Variants in BAZ2B observed in about 807,000 individuals in gnomAD.
The protein encoded by BAZ2B is bromodomain adjacent to zinc finger domain protein 2B.
BAZ2B carries 91 observed loss-of-function variants against 246.0 expected under a neutral mutation model. The ratio of observed to expected loss-of-function variants is 0.37; its 90% CI spans 0.31 to 0.44. The LOEUF is 0.44. BAZ2B is among the 20% of genes least tolerant of loss of function. The pLI, the probability that BAZ2B is intolerant of heterozygous loss-of-function variation, is 1.00. For missense variants in BAZ2B, 2,332 were observed against 2,533.7 expected (o/e 0.92, Z 1.71); for synonymous variants, 855 against 860.0 (o/e 0.99, Z 0.10).
At chr2:159,619,233 T>TA (rs1180822046), upstream of BAZ2B, among the ~76,000 whole-genome samples, 1 of 151,946 alleles carries the variant, frequency 6.6e-6, no homozygotes, top group Non-Finnish European at 1.5e-5. Flanking sequence ...GCTGGAGCCA[T>TA]ATACAACCCA....
chr2:159,334,736 T>C (rs1196369025), intron 33 of BAZ2B, among the ~76,000 whole-genome samples: 1 of 152,164 alleles, frequency 6.6e-6, no homozygotes. Context: ...GAAATAAAGC[T>C]ATAGATTGCA....
At position 159,354,953 on chromosome 2, in the gene BAZ2B, T is replaced by C. The variant is rs150435995; in HGVS notation, c.4214-4596A>G. Among the ~76,000 whole-genome samples the C allele has an allele frequency of 2.7e-3, 406 of 152,302 alleles. 3 individuals are homozygous for C. Among genetic ancestry groups the C allele is most frequent in the African/African-American group, 9.3e-3 (386 of 41,556 alleles). ...AAATGAATGCTAAAAGTAGCAAAGT[T>C]TGCTACTGGAAAGAAGCTATGTCTT... On this transcript the variant is annotated intron_variant, in intron 27 of 36. Coordinates refer to ENST00000392783, the MANE Select transcript of BAZ2B (RefSeq NM_013450.4).
intron 2 of BAZ2B, among the ~76,000 whole-genome samples, chr2:159,488,875 T>C (rs2080137230): frequency 6.6e-6 from 1 of 152,142 alleles, no homozygotes; most frequent in African/African-American, 2.4e-5. Context: ...AAGAAGTGAA[T>C]TAGTCACAAA....
chr2:159,693,288 T>C, the BAZ2B span: 2 of 152,198 alleles, frequency 1.3e-5, no homozygotes, highest in Non-Finnish European at 2.9e-5. Flanking sequence ...TTTCACAGAT[T>C]ATCTCTATAA....
chr2:159,334,711 G>A (rs549639769), intron 33 of BAZ2B, among the ~76,000 whole-genome samples: 1 of 152,130 alleles, frequency 6.6e-6, no homozygotes, highest in Non-Finnish European at 1.5e-5. Context: ...AAAGGTTAAT[G>A]AATTTGCAAA....
At chr2:159,326,745 A>G (rs932205518) in intron 34 of BAZ2B, among the ~76,000 whole-genome samples, 17 of 152,170 alleles carry the variant, frequency 1.1e-4, no homozygotes, top group Non-Finnish European at 1.9e-4. Context: ...AGAACTCTCA[A>G]CATGGTCTTA....
At chr2:159,533,438 C>A (rs989078330) in intron 2 of BAZ2B, among the ~76,000 whole-genome samples, 10 of 152,106 alleles carry the variant, frequency 6.6e-5, no homozygotes, top group African/African-American at 2.4e-4. Flanking sequence ...GTTTGGTTTT[C>A]CAAAATGAAA....
At chr2:159,701,569 T>C in the BAZ2B span, among the ~76,000 whole-genome samples, 1 of 150,232 alleles carries the variant, frequency 6.7e-6, no homozygotes, top group Admixed American at 6.6e-5. Context: ...TACAATGTAT[T>C]TTTTAATAGT....
At chr2:159,341,042 T>C (rs977250893) in intron 31 of BAZ2B, among the ~76,000 whole-genome samples, 4 of 152,244 alleles carry the variant, frequency 2.6e-5, no homozygotes, top group South Asian at 4.1e-4. Context: ...ATCTTGAATG[T>C]AAATGAATTA....
intron 21 of BAZ2B, among the ~76,000 whole-genome samples, chr2:159,387,011 G>A (rs533039389): frequency 1.6e-4 from 25 of 152,172 alleles, no homozygotes; most frequent in African/African-American, 5.1e-4. Flanking sequence ...CATACTTATA[G>A]GGGCATGTGC....
chr2:159,495,342 G>T (rs1298842716), intron 2 of BAZ2B, among the ~76,000 whole-genome samples: 1 of 149,992 alleles, frequency 6.7e-6, no homozygotes, highest in Admixed American at 6.6e-5. Flanking sequence ...AAAATTAGCC[G>T]GGCGTAGTGG....
At chr2:159,354,931 T>G (rs2058938134) in intron 27 of BAZ2B, among the ~76,000 whole-genome samples, 1 of 152,218 alleles carries the variant, frequency 6.6e-6, no homozygotes, top group Non-Finnish European at 1.5e-5. Flanking sequence ...CTAATTTAAA[T>G]GAATGCTAAA....
intron 1 of BAZ2B, among the ~76,000 whole-genome samples, chr2:159,574,311 C>G (rs961029082): frequency 1.5e-4 from 23 of 151,520 alleles, no homozygotes; most frequent in Admixed American, 4.6e-4. Flanking sequence ...CGAGATGGCA[C>G]TTCACACTCA....
the BAZ2B span, among the ~76,000 whole-genome samples, chr2:159,622,866 G>A: frequency 6.6e-6 from 1 of 151,618 alleles, no homozygotes; most frequent in Non-Finnish European, 1.5e-5. Context: ...GCATGGTGGT[G>A]TGCCCCTGTA....
chr2:159,327,475 ATAAT>A (rs1371096818), intron 34 of BAZ2B, among the ~76,000 whole-genome samples: 1 of 152,204 alleles, frequency 6.6e-6, no homozygotes, highest in East Asian at 1.9e-4. Context: ...ACTAACTGAA[ATAAT>A]TAATATGTTT....
intron 35 of BAZ2B, 88 bp from the exon 36 acceptor site, chr2:159,325,042 AT>A (rs1443578206): frequency 0.25 from 2,758 of 10,916 alleles, 473 homozygotes; most frequent in East Asian, 0.56. Context: ...TTATATATAT[AT>A]TATATATATA....
chr2:159,443,341 A>C (rs948407596), intron 6 of BAZ2B, among the ~76,000 whole-genome samples: 1 of 152,124 alleles, frequency 6.6e-6, no homozygotes, highest in Admixed American at 6.5e-5. Context: ...TTTATTCTAA[A>C]TGTATATGCA....
At chr2:159,333,247 G>A (rs1350419916) in intron 33 of BAZ2B, among the ~76,000 whole-genome samples, 3 of 152,056 alleles carry the variant, frequency 2.0e-5, no homozygotes, top group Non-Finnish European at 2.9e-5. Flanking sequence ...AGGAAACGTT[G>A]AAAATCAACC....
At chr2:159,661,015 T>C in the BAZ2B span, among the ~76,000 whole-genome samples, 2 of 152,224 alleles carry the variant, frequency 1.3e-5, no homozygotes, top group African/African-American at 4.8e-5. Context: ...TGTGAAACAA[T>C]ACCATAATCA....
Sources: gnomAD v4.1 joint callset for allele counts (sites outside exome capture counted in the v4.1 genomes callset) on GRCh38, gnomAD v4.1.1 for gene constraint, MANE v1.5 for transcripts, NCBI Gene and HGNC (gene_info 2026-07-23, HGNC 2026-07-21) for gene names.